Variants in ABHD6 observed in about 807,000 individuals in gnomAD.
ABHD6 encodes monoacylglycerol lipase ABHD6.
Under a neutral mutation model 38.8 loss-of-function variants are expected in ABHD6, and 33 were observed. The ratio of observed to expected loss-of-function variants is 0.85; its 90% CI spans 0.64 to 1.14. The LOEUF (loss-of-function observed/expected upper bound fraction) is 1.14. Ranked by LOEUF, ABHD6 falls within the 50% of genes most tolerant of loss-of-function variation. The pLI is 0.00. For synonymous variants in ABHD6, 147 were observed against 161.6 expected, an observed-to-expected ratio of 0.91 and a Z score of 0.69; for missense variants, 380 against 422.6, an observed-to-expected ratio of 0.90 and a Z score of 0.88.
At position 58,287,909 on chromosome 3, in the gene ABHD6, T is replaced by C. The variant is rs1296040164; in HGVS notation, c.837+2456T>C. ...TTATTTTGAGGCTCAAATGAAATAA[T>C]ATGTATGAAAATGATCTTCCAGTTG... On this transcript the variant is annotated intron_variant, in intron 9 of 9. Coordinates refer to ENST00000478253, the MANE Select transcript of ABHD6 (RefSeq NM_001320126.2). This position sits in a 1 kb window ranked among gnomAD's most constrained non-coding sequence, Gnocchi z 4.7. Among the ~76,000 whole-genome samples, 4 of 152,192 alleles carry C rather than the reference T, an allele frequency of 2.6e-5. No homozygotes were observed. Among genetic ancestry groups the C allele is most frequent in the African/African-American group, 9.7e-5 (4 of 41,440 alleles).
chr3:58,286,490 C>T (rs963993357), intron 9 of ABHD6, among the ~76,000 whole-genome samples: 1 of 151,990 alleles, frequency 6.6e-6, no homozygotes, highest in Non-Finnish European at 1.5e-5. Context: ...CAAATGTTTT[C>T]TGTAAAGGGC....
chr3:58,276,743 T>C (rs2097449011), intron 7 of ABHD6, among the ~76,000 whole-genome samples: 2 of 152,242 alleles, frequency 1.3e-5, no homozygotes, highest in African/African-American at 4.8e-5. Flanking sequence ...TTTTTATGGT[T>C]TTAGGTCTAA....
chr3:58,258,977 G>T (rs548611528), intron 3 of ABHD6, among the ~76,000 whole-genome samples: 1 of 152,168 alleles, frequency 6.6e-6, no homozygotes, highest in African/African-American at 2.4e-5. Flanking sequence ...TGCTTTGTGG[G>T]CTAAGGCTCC....
chr3:58,280,630 G>A (rs750504702), intron 7 of ABHD6, among the ~76,000 whole-genome samples: 5 of 152,150 alleles, frequency 3.3e-5, no homozygotes, highest in Non-Finnish European at 5.9e-5. Flanking sequence ...GCTTTGTTCC[G>A]TTGCTGGCGA....
chr3:58,277,708 C>T (rs910994009), intron 7 of ABHD6, among the ~76,000 whole-genome samples: 24 of 152,142 alleles, frequency 1.6e-4, no homozygotes, highest in Non-Finnish European at 1.9e-4. Flanking sequence ...GGGAATGCTT[C>T]CAGTTTTTGC....
intron 7 of ABHD6, among the ~76,000 whole-genome samples, chr3:58,275,393 G>A (rs1034775861): frequency 7.0e-6 from 1 of 143,876 alleles, no homozygotes; most frequent in African/African-American, 2.6e-5. Context: ...GCAGTAGCAT[G>A]ATCTCGGCTC....
Position 58,285,247 on chromosome 3 carries a change from G to A in ABHD6, c.737-106G>A. The A allele has an allele frequency of 6.6e-7, 1 of 1,516,736 alleles. No individual in the cohort carries two copies. Among genetic ancestry groups the A allele is most frequent in the Non-Finnish European group, 9.2e-7 (1 of 1,091,890 alleles). The allele number at this position is 1,516,736 out of a possible 1,614,324, so 94.0% of individuals were successfully genotyped here. A position where few individuals can be genotyped will look rare whatever the true frequency, so the allele number is the denominator to read the frequency against. On this transcript the variant is annotated intron_variant, in intron 8 of 9. Transcript: ENST00000478253. This position sits in a 1 kb window ranked among gnomAD's most constrained non-coding sequence, Gnocchi z 4.9. ...ACTTTGAATGTCTCTTTGGGCCCCT[G>A]AAGAGAGGAAGTGGTGGCCTGGATC...
At chr3:58,255,993 A>C (rs185469907) in intron 2 of ABHD6, among the ~76,000 whole-genome samples, 1 of 152,114 alleles carries the variant, frequency 6.6e-6, no homozygotes, top group Admixed American at 6.6e-5. Flanking sequence ...TTGAAAGGAT[A>C]ATATCATGTA....
rs990286069 is a variant in ABHD6 at position 58,273,502 on chromosome 3, A to G, written c.524-1156A>G. ...AATGCCCACCAATGATAAACTGGAT[A>G]AAGAAAATGTGGCACATATACACCA... On this transcript the variant is annotated intron_variant, in intron 6 of 9. Transcript: ENST00000478253. The surrounding 1 kb of genome is among the most constrained non-coding windows in gnomAD (Gnocchi z 4.8). 6.6e-6 allele frequency among the ~76,000 whole-genome samples: 1 copy of G among 152,200 alleles called. No individual in the cohort carries two copies. Among genetic ancestry groups the G allele is most frequent in the Non-Finnish European group, 1.5e-5 (1 of 68,028 alleles).
At chr3:58,239,254 T>C (rs1470704842) in intron 1 of ABHD6, among the ~76,000 whole-genome samples, 1 of 152,202 alleles carries the variant, frequency 6.6e-6, no homozygotes, top group Non-Finnish European at 1.5e-5. Flanking sequence ...CTAATTTGTT[T>C]TTCTCAGACC....
At position 58,285,383 on chromosome 3, in the gene ABHD6, G is replaced by A; in HGVS notation, c.767G>A (p.Arg256Lys). The A allele has an allele frequency of 6.2e-7, 1 of 1,614,158 alleles. No individual in the cohort carries two copies. The highest frequency in any genetic ancestry group is 8.5e-7 in the Non-Finnish European group (1 of 1,180,004). ...LFLEIVSEKSRYSLHQNMDKI... is the reference protein window; with the variant it reads ...LFLEIVSEKSKYSLHQNMDKI... ...TTGGAAATCGTCAGTGAGAAGTCCAGATACTCTCTCCATCAGAACATGGAC... is the reference window on the plus strand; with the variant it reads ...TTGGAAATCGTCAGTGAGAAGTCCAAATACTCTCTCCATCAGAACATGGAC... Residue 256 changes from arginine (R) to lysine (K), a missense_variant, in exon 9 of 10, where the codon AGA (arginine) becomes AAA (lysine). Transcript: ENST00000478253. The surrounding 1 kb of genome is among the most constrained non-coding windows in gnomAD (Gnocchi z 4.9).
chr3:58,273,233 G>C lies in ABHD6; in HGVS notation c.524-1425G>C, dbSNP rs1348010383. On this transcript the variant is annotated intron_variant, in intron 6 of 9. Transcript: ENST00000478253. The surrounding 1 kb of genome is among the most constrained non-coding windows in gnomAD (Gnocchi z 4.8). ...TTTCTGCATCACGACCAATATTATT[G>C]ATGCTACTGCCTTTCATTATAAAAT... Among the ~76,000 whole-genome samples the C allele has an allele frequency of 6.6e-6, 1 of 152,044 alleles. No individual in the cohort carries two copies. The highest frequency in any genetic ancestry group is 1.5e-5 in the Non-Finnish European group (1 of 68,014).
Position 58,238,227 on chromosome 3 carries a change from G to C in ABHD6, c.-91+311G>C, listed in dbSNP as rs2097420435. 6.6e-6 allele frequency: 1 copy of C among 152,538 alleles called. No individual in the cohort carries two copies. Among genetic ancestry groups the C allele is most frequent in the African/African-American group, 2.4e-5 (1 of 41,430 alleles). 9.4% of individuals were successfully genotyped at this position (152,538 alleles called of 1,614,324 possible). On this transcript the variant is annotated intron_variant, in intron 1 of 9. Transcript: ENST00000478253. This position sits in a 1 kb window ranked among gnomAD's most constrained non-coding sequence, Gnocchi z 6.9. ...TTTCTACTTCGCCTCCCCACCCCCT[G>C]CGCCCGCAGCAGCCCTTAGGCGCCC...
intron 5 of ABHD6, 91 bp from the exon 6 acceptor site, chr3:58,270,841 C>A: frequency 7.2e-7 from 1 of 1,387,874 alleles, no homozygotes; most frequent in Non-Finnish European, 9.7e-7. Context: ...TTCAGTTGTC[C>A]ATAGGAAGTC....
In ABHD6 at chr3:58,285,569, AG is replaced by A. The variant is rs2097456313; in HGVS notation, c.837+117del. 2.3e-6 allele frequency: 2 copies of A among 886,192 alleles called. No homozygotes were observed. Among genetic ancestry groups the A allele is most frequent in the Non-Finnish European group, 3.6e-6 (2 of 548,740 alleles). The allele number at this position is 886,192 out of a possible 1,614,324, so 54.9% of individuals were successfully genotyped here. A position where few individuals can be genotyped will look rare whatever the true frequency, so the allele number is the denominator to read the frequency against. ...AGTGAGCTGATCGCTGCTGTCAGGAAGAGGGGGAAGGCACCTGTGTTGGGTG... is the reference window on the plus strand; with the variant it reads ...AGTGAGCTGATCGCTGCTGTCAGGAAAGGGGGAAGGCACCTGTGTTGGGTG... On this transcript the variant is annotated intron_variant, in intron 9 of 9. Transcript: ENST00000478253. The surrounding 1 kb of genome is among the most constrained non-coding windows in gnomAD (Gnocchi z 4.9).
intron 3 of ABHD6, among the ~76,000 whole-genome samples, chr3:58,264,462 G>T (rs2097439532): frequency 6.8e-6 from 1 of 147,874 alleles, no homozygotes; most frequent in Non-Finnish European, 1.5e-5. Context: ...AGGTGCAGTG[G>T]CTCAGTGGCA....
At chr3:58,278,728 G>C (rs948299170) in intron 7 of ABHD6, among the ~76,000 whole-genome samples, 1 of 152,120 alleles carries the variant, frequency 6.6e-6, no homozygotes, top group Non-Finnish European at 1.5e-5. Context: ...GCTTTCTCTT[G>C]TGGGCATTTA....
chr3:58,286,834 G>A lies in ABHD6; in HGVS notation c.837+1381G>A, dbSNP rs1374798964. ...TATAAGATCATATATGTGTGTGTGT[G>A]TGTGTGTGTGTGTGTGTGTATATAT... On this transcript the variant is annotated intron_variant, in intron 9 of 9. Transcript: ENST00000478253. Among the ~76,000 whole-genome samples, 195 of 41,644 alleles carry A rather than the reference G, an allele frequency of 4.7e-3. 7 individuals carry two copies. Among genetic ancestry groups the A allele is most frequent in the East Asian group, 0.02 (1 of 50 alleles). 27.3% of individuals were successfully genotyped at this position (41,644 alleles called of 152,430 possible).
intron 3 of ABHD6, among the ~76,000 whole-genome samples, chr3:58,264,986 T>C (rs2097439932): frequency 7.2e-6 from 1 of 138,516 alleles, no homozygotes; most frequent in Non-Finnish European, 1.5e-5. Flanking sequence ...CAATAGTAGG[T>C]CTTATTCATT....
Sources: gnomAD v4.1 joint callset for allele counts (sites outside exome capture counted in the v4.1 genomes callset) on GRCh38, gnomAD v4.1.1 for gene constraint, Gnocchi (gnomAD v3.1) non-coding constraint, MANE v1.5 for transcripts, NCBI Gene and HGNC (gene_info 2026-07-23, HGNC 2026-07-21) for gene names.